The following FANCD2 variants were observed in gnomAD, a reference collection of about 807,000 sequenced individuals.
FANCD2 encodes the protein FA complementation group D2, also known as Fanconi anemia group D2 protein.
FANCD2 carries 131 observed loss-of-function variants against 192.3 expected under a neutral mutation model. The ratio of observed to expected loss-of-function variants is 0.68; its 90% CI spans 0.59 to 0.79. The LOEUF is 0.79. Ranked by LOEUF, FANCD2 falls within the 30% of genes least tolerant of loss-of-function variation. FANCD2 has a pLI of 0.00. For missense variants in FANCD2, 1,508 were observed against 1,701.6 expected, an observed-to-expected ratio of 0.89 and a Z score of 2.00; for synonymous variants, 524 against 612.5, an observed-to-expected ratio of 0.86 and a Z score of 2.13.
In FANCD2 at chr3:10,088,458, C is replaced by A. The variant is rs2125076532; in HGVS notation, c.3476C>A (p.Ala1159Asp). The stretch of plus-strand genomic sequence containing the variant: ...TCTTCTTTTCTAACAGCTTCCCTTG[C>A]CAGACAATTCCTCTGTCGGGTGTGG... ...AQNKEKIASL[A>D]RQFLCRVWPS... The change falls in exon 35 of 44, where the codon GCC becomes GAC. Residue 1159 changes from alanine to aspartate, a missense_variant. This residue lies in a region of FANCD2 where 796 missense variants were observed against 879.4 expected (regional missense o/e 0.91). Coordinates refer to ENST00000675286, the MANE Select transcript of FANCD2 (RefSeq NM_001018115.3). The A allele has an allele frequency of 6.2e-7, 1 of 1,606,548 alleles. No individual in the cohort carries two copies. Among genetic ancestry groups the A allele is most frequent in the Non-Finnish European group, 8.5e-7 (1 of 1,173,130 alleles).
intron 13 of FANCD2, 69 bp from the exon 14 acceptor site, chr3:10,043,760 G>A: frequency 7.2e-7 from 1 of 1,394,302 alleles, no homozygotes; most frequent in Non-Finnish European, 1.0e-6. Context: ...AACAGGGCAT[G>A]CTGAATAAGG....
intron 33 of FANCD2, 128 bp downstream of exon 33, chr3:10,086,050 C>G (rs1694179376): frequency 1.4e-6 from 1 of 707,620 alleles, no homozygotes; most frequent in Admixed American, 2.0e-5. Flanking sequence ...AGCTACTCTC[C>G]TCATATATGA....
chr3:10,078,204 G>A lies in FANCD2; in HGVS notation c.2976+7G>A, dbSNP rs1282915658. The stretch of plus-strand genomic sequence containing the variant: ...GAGAGTCCCCTTTCTCAAGGTTAGT[G>A]TAGGCAGAAGCATAGGACTTGGGCA... On this transcript the variant is annotated splice_region_variant and intron_variant, in intron 30 of 43. Coordinates refer to ENST00000675286, the MANE Select transcript of FANCD2 (RefSeq NM_001018115.3). The A allele has an allele frequency of 1.9e-6, 3 of 1,545,066 alleles. No homozygotes were observed. The highest frequency in any genetic ancestry group is 1.4e-5 in the African/African-American group (1 of 73,620).
At chr3:10,047,516 A>G (rs943740344) in intron 15 of FANCD2, among the ~76,000 whole-genome samples, 4 of 152,292 alleles carry the variant, frequency 2.6e-5, no homozygotes, top group Non-Finnish European at 4.4e-5. Context: ...CTTCTTTTAA[A>G]AAAATCAGCT....
chr3:10,037,682 A>T (rs2086765331), intron 7 of FANCD2: 1 of 152,258 alleles, frequency 6.6e-6, no homozygotes, highest in South Asian at 2.1e-4. Flanking sequence ...AAAATAAAGA[A>T]ATGTAAATAA....
At chr3:10,097,238 T>C (rs1175991457) in intron 42 of FANCD2, among the ~76,000 whole-genome samples, 1 of 152,224 alleles carries the variant, frequency 6.6e-6, no homozygotes, top group Non-Finnish European at 1.5e-5. Flanking sequence ...GGCACCACTG[T>C]CATTGATAAC....
rs2086893430 is a variant in FANCD2 at position 10,042,618 on chromosome 3, A to G, written c.843A>G (p.Ile281Met). 6.2e-7 allele frequency: 1 copy of G among 1,614,070 alleles called. No homozygotes were observed. Among genetic ancestry groups the G allele is most frequent in the African/African-American group, 1.3e-5 (1 of 75,052 alleles). ...SSIRLEDLPV[I>M]IKFILHSVTA... is the part of the protein sequence containing the mutation. ...TTAGATTGGAGGATTTACCTGTGAT[A>G]ATAAAGTTCATTCTTCATTCCGTAA... Residue 281 changes from isoleucine (I) to methionine (M), a missense_variant, in exon 11 of 44, where the codon ATA becomes ATG. Around this residue, in one of 5 missense-constraint regions of FANCD2, gnomAD observed 435 missense variants for 421.9 expected, o/e 1.03. Transcript: ENST00000675286.
At chr3:10,051,787 A>G (rs1179409793) in intron 17 of FANCD2, among the ~76,000 whole-genome samples, 1 of 152,226 alleles carries the variant, frequency 6.6e-6, no homozygotes, top group Non-Finnish European at 1.5e-5. Flanking sequence ...TTCCTCAGAC[A>G]AACCATGAAA....
intron 17 of FANCD2, 22 bp from the exon 18 acceptor site, chr3:10,052,365 G>A: frequency 7.0e-7 from 1 of 1,438,024 alleles, no homozygotes; most frequent in Non-Finnish European, 9.8e-7. Context: ...TAGCCTCATT[G>A]TTGGCATCAT....
chr3:10,088,780 T>C (rs1302532428), intron 35 of FANCD2, 48 bp from the exon 36 acceptor site: 2 of 1,598,534 alleles, frequency 1.3e-6, no homozygotes, highest in Non-Finnish European at 1.7e-6. Context: ...TCTGTAGTTG[T>C]ATTCTACTTT....
In FANCD2 at chr3:10,062,321, A is replaced by G. The variant is rs868415279; in HGVS notation, c.1827+110A>G. ...AGTGGCAAGATCTCGGCTCACTGCA[A>G]CCTCCACCTCTCAGGTTCAAGTGAT... On this transcript the variant is annotated intron_variant, in intron 20 of 43. Transcript: ENST00000675286. 2.9e-4 allele frequency: 228 copies of G among 796,418 alleles called. 1 individual carries two copies. Among genetic ancestry groups the G allele is most frequent in the Middle Eastern group, 2.6e-3 (7 of 2,724 alleles). 49.3% of individuals were successfully genotyped at this position (796,418 alleles called of 1,614,324 possible).
intron 32 of FANCD2, among the ~76,000 whole-genome samples, chr3:10,082,831 A>C (rs1358416338): frequency 6.6e-6 from 1 of 152,216 alleles, no homozygotes; most frequent in Non-Finnish European, 1.5e-5. Flanking sequence ...TCTGAGCTCC[A>C]TGAAGGCAGA....
chr3:10,087,098 C>T (rs751819584), intron 33 of FANCD2, 36 bp from the exon 34 acceptor site: 4 of 1,611,866 alleles, frequency 2.5e-6, no homozygotes, highest in Admixed American at 3.3e-5. Flanking sequence ...ACATAGGATA[C>T]TATTGCATTT....
At chr3:10,051,006 A>G (rs1311789887) in intron 17 of FANCD2, among the ~76,000 whole-genome samples, 1 of 151,790 alleles carries the variant, frequency 6.6e-6, no homozygotes, top group African/African-American at 2.4e-5. Context: ...GAATCACTTG[A>G]ACCCAGGAGG....
chr3:10,035,519 A>G (rs2086706280), intron 6 of FANCD2, among the ~76,000 whole-genome samples: 1 of 152,188 alleles, frequency 6.6e-6, no homozygotes, highest in Non-Finnish European at 1.5e-5. Context: ...GGTAATCTTT[A>G]TCATATTCAT....
intron 17 of FANCD2, among the ~76,000 whole-genome samples, chr3:10,051,418 T>A (rs1388287344): frequency 0.046 from 1,171 of 25,626 alleles, 120 homozygotes; most frequent in African/African-American, 0.09. Flanking sequence ...CAAAAAGGAG[T>A]GAGGGATTTA....
chr3:10,085,086 G>A (rs889107178), intron 32 of FANCD2, among the ~76,000 whole-genome samples: 4 of 152,162 alleles, frequency 2.6e-5, no homozygotes, highest in African/African-American at 4.8e-5. Context: ...AGGAGAAGGG[G>A]TAAGTACCAC....
At chr3:10,030,633 C>G (rs138183965) in intron 2 of FANCD2, among the ~76,000 whole-genome samples, 2 of 152,188 alleles carry the variant, frequency 1.3e-5, no homozygotes, top group Non-Finnish European at 2.9e-5. Context: ...GGCACAGTGG[C>G]TCACACCTGT....
chr3:10,031,873 G>T (rs1337845216), intron 2 of FANCD2, among the ~76,000 whole-genome samples: 3 of 152,234 alleles, frequency 2.0e-5, no homozygotes, highest in African/African-American at 7.2e-5. Context: ...TTGAGACAGA[G>T]TGTCACTCTG....
Sources: gnomAD v4.1 joint callset for allele counts (sites outside exome capture counted in the v4.1 genomes callset) on GRCh38, gnomAD v4.1.1 for gene constraint, gnomAD v4.1.1 regional missense constraint, MANE v1.5 for transcripts, NCBI Gene and HGNC (gene_info 2026-07-23, HGNC 2026-07-21) for gene names.